Variants in RAD51B observed in about 807,000 individuals in gnomAD.
RAD51B encodes RAD51 paralog B.
In RAD51B, 38 loss-of-function variants were observed where a neutral mutation model predicts 42.2. The ratio of observed to expected loss-of-function variants is 0.90; its 90% CI spans 0.70 to 1.18. RAD51B has a LOEUF of 1.18. Among genes scored for constraint, RAD51B ranks in the 50% most tolerant of loss-of-function variants. The probability of loss-of-function intolerance (pLI) is 0.00; values close to 1 mark genes in which losing one functional copy is unlikely to be tolerated. For missense variants in RAD51B, 373 were observed against 400.7 expected, an observed-to-expected ratio of 0.93 and a Z score of 0.59; for synonymous variants, 154 against 145.2, an observed-to-expected ratio of 1.06 and a Z score of -0.43.
intron 7 of RAD51B, among the ~76,000 whole-genome samples, chr14:67,952,007 C>T (rs775066680): frequency 1.4e-5 from 2 of 141,420 alleles, no homozygotes; most frequent in Non-Finnish European, 3.0e-5. Context: ...AAAAATTCTT[C>T]GGTGGGACAA....
At chr14:68,682,875 CT>C (rs1166737039) in intron 11 of RAD51B, 79,680 of 503,588 alleles carry the variant, frequency 0.16, 125 homozygotes, top group Non-Finnish European at 0.17. Flanking sequence ...TCTCACAAGG[CT>C]TTTTTTTTTT....
At chr14:67,889,517 A>G (rs985370424) in intron 7 of RAD51B, among the ~76,000 whole-genome samples, 17 of 148,294 alleles carry the variant, frequency 1.1e-4, no homozygotes, top group African/African-American at 4.2e-4. Context: ...AAATATAAAT[A>G]TATAAAAATA....
At chr14:68,676,191 G>A (rs1006232440) in intron 11 of RAD51B, among the ~76,000 whole-genome samples, 1 of 152,136 alleles carries the variant, frequency 6.6e-6, no homozygotes, top group African/African-American at 2.4e-5. Flanking sequence ...ATATGTTACA[G>A]CCTATGGGGT....
chr14:68,393,350 T>G (rs903095717), intron 8 of RAD51B, among the ~76,000 whole-genome samples: 2 of 152,216 alleles, frequency 1.3e-5, no homozygotes, highest in Non-Finnish European at 2.9e-5. Flanking sequence ...ATTACATTCT[T>G]CTATGTCGGA....
chr14:68,042,582 G>A (rs192278886), intron 7 of RAD51B, among the ~76,000 whole-genome samples: 21 of 151,614 alleles, frequency 1.4e-4, no homozygotes, highest in African/African-American at 4.8e-4. Context: ...TTTCCTTTCT[G>A]CCACATATTT....
At chr14:68,200,304 A>G (rs960126886) in intron 7 of RAD51B, among the ~76,000 whole-genome samples, 7 of 152,220 alleles carry the variant, frequency 4.6e-5, no homozygotes, top group African/African-American at 1.7e-4. Context: ...GGGGATTATT[A>G]CAGCAATATT....
chr14:68,448,049 G>T (rs2085463492), intron 9 of RAD51B, among the ~76,000 whole-genome samples: 1 of 152,192 alleles, frequency 6.6e-6, no homozygotes, highest in Non-Finnish European at 1.5e-5. Context: ...TTGGGAGTGA[G>T]CAGGAGGGGC....
In RAD51B at chr14:68,134,082, C is replaced by T. The variant is rs550470527; in HGVS notation, c.757-157802C>T. Reference sequence around the variant, plus strand: ...CCTCACTGTATTATCAGAAGCCTCTCGTGCCACATCCTGCTAGCCACACCC... The same window carrying T: ...CCTCACTGTATTATCAGAAGCCTCTTGTGCCACATCCTGCTAGCCACACCC... On this transcript the variant is annotated intron_variant, in intron 7 of 10. Coordinates refer to ENST00000471583, the MANE Select transcript of RAD51B (RefSeq NM_133510.4). 5.3e-5 allele frequency among the ~76,000 whole-genome samples: 8 copies of T among 152,286 alleles called. 1 individual carries two copies. The South Asian group carries it at 1.5e-3, about 28-fold the overall frequency.
intron 7 of RAD51B, among the ~76,000 whole-genome samples, chr14:68,071,031 T>G (rs1229936841): frequency 6.6e-6 from 1 of 152,074 alleles, no homozygotes; most frequent in Non-Finnish European, 1.5e-5. Context: ...GTATTTTGGT[T>G]TTTTTGTGGC....
chr14:68,278,054 G>A (rs1351680799), intron 7 of RAD51B, among the ~76,000 whole-genome samples: 1 of 152,172 alleles, frequency 6.6e-6, no homozygotes, highest in African/African-American at 2.4e-5. Flanking sequence ...GAGGCGTGCT[G>A]TGTTCTATTG....
intron 8 of RAD51B, among the ~76,000 whole-genome samples, chr14:68,391,182 C>CTTTCTTTCT (rs765612608): frequency 8.2e-6 from 1 of 121,402 alleles, no homozygotes; most frequent in African/African-American, 3.2e-5. Context: ...TTCTTTCTTT[C>CTTTCTTTCT]TTCTTTCCTT....
chr14:68,006,526 G>T (rs11622787), intron 7 of RAD51B, among the ~76,000 whole-genome samples: 42,875 of 151,908 alleles, frequency 0.28, 8,128 homozygotes, highest in African/African-American at 0.54. Context: ...TATATATGAG[G>T]ATGTGTGTGT....
At chr14:67,914,346 C>T (rs117569572) in intron 7 of RAD51B, among the ~76,000 whole-genome samples, 86 of 152,124 alleles carry the variant, frequency 5.7e-4, no homozygotes, top group Middle Eastern at 3.4e-3. Context: ...TTTCTGTGTC[C>T]GACTTATTTT....
At chr14:67,985,867 G>T (rs1164692319) in intron 7 of RAD51B, among the ~76,000 whole-genome samples, 1 of 152,120 alleles carries the variant, frequency 6.6e-6, no homozygotes, top group Admixed American at 6.5e-5. Flanking sequence ...CTGAGGTCGT[G>T]CCACTGCACT....
chr14:68,638,642 G>C lies in RAD51B; in HGVS notation c.1037-12139G>C, dbSNP rs11848320. ...ACCTGGGATCTGCCTGGCCCAGTCG[G>C]GGACAAGTAAGACCCAGGCTTGTGC... On this transcript the variant is annotated intron_variant, in intron 10 of 11. Coordinates refer to the RAD51B transcript ENST00000488612. Among the ~76,000 whole-genome samples the C allele has an allele frequency of 3.3e-5, 5 of 151,980 alleles. No individual in the cohort carries two copies. In the East Asian group the frequency reaches 9.8e-4, roughly 30 times the overall value.
At chr14:68,541,425 C>T in intron 10 of RAD51B, 1 of 985,428 alleles carries the variant, frequency 1.0e-6, no homozygotes, top group South Asian at 4.7e-5. Flanking sequence ...TGTGTCTGTG[C>T]ATCAGAATCA....
At chr14:68,164,347 A>C (rs941507142) in intron 7 of RAD51B, among the ~76,000 whole-genome samples, 1 of 152,212 alleles carries the variant, frequency 6.6e-6, no homozygotes, top group Non-Finnish European at 1.5e-5. Flanking sequence ...CGTGAATTTG[A>C]TTATTGCCTT....
At chr14:68,426,091 G>T (rs533639992) in intron 9 of RAD51B, among the ~76,000 whole-genome samples, 34 of 144,756 alleles carry the variant, frequency 2.3e-4, no homozygotes, top group African/African-American at 8.0e-4. Flanking sequence ...TTTTTGAGAT[G>T]GAGTTTCACT....
At chr14:68,189,335 T>C (rs1223397727) in intron 7 of RAD51B, among the ~76,000 whole-genome samples, 1 of 152,070 alleles carries the variant, frequency 6.6e-6, no homozygotes, top group African/African-American at 2.4e-5. Context: ...CCTCAGTTCA[T>C]CTAGTGTCTA....
Sources: gnomAD v4.1 joint callset for allele counts (sites outside exome capture counted in the v4.1 genomes callset) on GRCh38, gnomAD v4.1.1 for gene constraint, MANE v1.5 for transcripts, NCBI Gene and HGNC (gene_info 2026-07-23, HGNC 2026-07-21) for gene names.